Variants in LGR5 observed in about 807,000 individuals in gnomAD.
LGR5 encodes the protein leucine rich repeat containing G protein-coupled receptor 5.
LGR5 carries 54 observed loss-of-function variants against 76.7 expected under a neutral mutation model. That is an observed-to-expected ratio of 0.70 (90% CI 0.57 to 0.88). The LOEUF is 0.88. LGR5 is among the 40% of genes least tolerant of loss of function. The pLI is 0.00. For synonymous variants in LGR5, 406 were observed against 421.9 expected (o/e 0.96, Z 0.46); for missense variants, 1,078 against 1,073.3 (o/e 1.00, Z -0.06).
At chr12:71,569,532 A>C (rs1345816657) in intron 11 of LGR5, among the ~76,000 whole-genome samples, 12 of 152,170 alleles carry the variant, frequency 7.9e-5, no homozygotes, top group African/African-American at 2.9e-4. Context: ...AAAGACATAC[A>C]TGCAGCCAAC....
chr12:71,479,568 G>A (rs1277173886), intron 1 of LGR5, among the ~76,000 whole-genome samples: 1 of 152,128 alleles, frequency 6.6e-6, no homozygotes, highest in Non-Finnish European at 1.5e-5. Context: ...AGGGAGGCAG[G>A]GAGAGGCAGG....
chr12:71,479,124 T>A (rs1873470208), intron 1 of LGR5, among the ~76,000 whole-genome samples: 1 of 151,772 alleles, frequency 6.6e-6, no homozygotes. Context: ...AACTAAAAAA[T>A]TAATACGTTT....
At chr12:71,492,431 C>A (rs966979905) in intron 1 of LGR5, among the ~76,000 whole-genome samples, 1 of 152,144 alleles carries the variant, frequency 6.6e-6, no homozygotes, top group African/African-American at 2.4e-5. Context: ...GAAACCCCCA[C>A]CACAGAAATA....
intron 2 of LGR5, among the ~76,000 whole-genome samples, chr12:71,513,797 G>A (rs1875289450): frequency 6.6e-6 from 1 of 152,198 alleles, no homozygotes; most frequent in Non-Finnish European, 1.5e-5. Flanking sequence ...ATATTCCTCA[G>A]CTGTTTCTAG....
intron 2 of LGR5, among the ~76,000 whole-genome samples, chr12:71,506,023 A>G (rs949542623): frequency 3.3e-5 from 5 of 152,200 alleles, no homozygotes; most frequent in Non-Finnish European, 7.4e-5. Flanking sequence ...TGAATAAACT[A>G]ATGAGAAAGC....
At chr12:71,483,563 A>G (rs992522508) in intron 1 of LGR5, among the ~76,000 whole-genome samples, 2 of 152,196 alleles carry the variant, frequency 1.3e-5, no homozygotes, top group African/African-American at 4.8e-5. Flanking sequence ...TGGAAATTAG[A>G]CCATGGATTT....
Position 71,440,381 on chromosome 12 carries a change from G to A in LGR5, c.212+89G>A, listed in dbSNP as rs1592444490. ...CGAGGCTGGAGGCTCCTCGGCGCCCGCCTGCTCGTGGGGGAGGGGGGCGAG... is the reference window on the plus strand; with the variant it reads ...CGAGGCTGGAGGCTCCTCGGCGCCCACCTGCTCGTGGGGGAGGGGGGCGAG... On this transcript the variant is annotated intron_variant, in intron 1 of 17. Coordinates refer to ENST00000266674, the MANE Select transcript of LGR5 (RefSeq NM_003667.4). The surrounding 1 kb of genome is among the most constrained non-coding windows in gnomAD (Gnocchi z 5.3). The A allele has an allele frequency of 1.6e-6, 2 of 1,289,328 alleles. No individual in the cohort carries two copies. Among genetic ancestry groups the A allele is most frequent in the Non-Finnish European group, 2.2e-6 (2 of 913,770 alleles). 79.9% of individuals were successfully genotyped at this position (1,289,328 alleles called of 1,614,324 possible).
chr12:71,552,265 A>T (rs990219610), intron 4 of LGR5, among the ~76,000 whole-genome samples: 1 of 152,118 alleles, frequency 6.6e-6, no homozygotes, highest in Admixed American at 6.6e-5. Flanking sequence ...AAAATTAAAA[A>T]TTAAAAAAAA....
At chr12:71,525,834 C>T (rs1013598449) in intron 3 of LGR5, among the ~76,000 whole-genome samples, 2 of 150,886 alleles carry the variant, frequency 1.3e-5, no homozygotes, top group African/African-American at 4.9e-5. Context: ...ATTATAATTA[C>T]ATATAATTAT....
chr12:71,527,881 G>A (rs999973234), intron 3 of LGR5, among the ~76,000 whole-genome samples: 2 of 152,172 alleles, frequency 1.3e-5, no homozygotes, highest in Admixed American at 1.3e-4. Context: ...CAGATGATTG[G>A]CGTGTAGCAA....
At chr12:71,583,473 G>T (rs1879177218) in intron 17 of LGR5, 174 bp from the exon 18 acceptor site, 3 of 697,172 alleles carry the variant, frequency 4.3e-6, no homozygotes, top group Non-Finnish European at 4.9e-6. Context: ...TGCTGCAGAA[G>T]ATCCAGGGTG....
At chr12:71,582,901 ATAAC>A (rs1879151882) in intron 17 of LGR5, among the ~76,000 whole-genome samples, 1 of 151,902 alleles carries the variant, frequency 6.6e-6, no homozygotes, top group African/African-American at 2.4e-5. Context: ...TTTCTTATAA[ATAAC>A]TATTTGGTAA....
intron 7 of LGR5, among the ~76,000 whole-genome samples, chr12:71,560,332 C>A (rs893429853): frequency 6.6e-5 from 10 of 152,052 alleles, no homozygotes; most frequent in Middle Eastern, 3.2e-3. Context: ...TTAAAAAATT[C>A]TAAGAAACAG....
At chr12:71,525,320 A>G (rs759362511) in intron 3 of LGR5, among the ~76,000 whole-genome samples, 2 of 152,152 alleles carry the variant, frequency 1.3e-5, no homozygotes, top group Non-Finnish European at 2.9e-5. Flanking sequence ...GTTAAAAGTG[A>G]AATTCAACAG....
intron 16 of LGR5, among the ~76,000 whole-genome samples, chr12:71,581,633 C>G (rs564586630): frequency 6.6e-6 from 1 of 152,306 alleles, no homozygotes; most frequent in Admixed American, 6.5e-5. Context: ...GTTCTTGCTT[C>G]AGTTTTTGCT....
intron 3 of LGR5, among the ~76,000 whole-genome samples, chr12:71,531,869 C>T (rs1419665665): frequency 1.3e-5 from 2 of 151,822 alleles, no homozygotes; most frequent in African/African-American, 2.4e-5. Context: ...CCCTGTCCCC[C>T]CTCCAAAAAA....
chr12:71,445,467 C>T (rs546889893), intron 1 of LGR5, among the ~76,000 whole-genome samples: 127 of 152,318 alleles, frequency 8.3e-4, no homozygotes, highest in African/African-American at 2.8e-3. Context: ...TTAATCCACA[C>T]TTTAATTTAA....
intron 3 of LGR5, among the ~76,000 whole-genome samples, chr12:71,528,330 C>T (rs776456847): frequency 7.2e-5 from 11 of 152,008 alleles, no homozygotes; most frequent in Non-Finnish European, 1.6e-4. Context: ...TGGTGGCGAA[C>T]ACCTGTGGTC....
intron 1 of LGR5, among the ~76,000 whole-genome samples, chr12:71,463,939 C>G (rs947160050): frequency 6.6e-6 from 1 of 151,912 alleles, no homozygotes; most frequent in African/African-American, 2.4e-5. Flanking sequence ...TAAAAGGAGG[C>G]CTTTGTCAGT....
Sources: allele counts gnomAD v4.1 joint callset (sites outside exome capture counted in the v4.1 genomes callset), GRCh38; gene constraint gnomAD v4.1.1; non-coding constraint Gnocchi (gnomAD v3.1); transcripts MANE v1.5; gene names NCBI Gene and HGNC (gene_info 2026-07-23, HGNC 2026-07-21).